PARD3B: variants seen among roughly 807,000 people sequenced by gnomAD.
PARD3B encodes the protein partitioning defective 3 homolog B.
A neutral mutation model predicts 130.2 loss-of-function variants in PARD3B; 103 were observed. The ratio of observed to expected loss-of-function variants is 0.79; its 90% CI spans 0.67 to 0.93. The LOEUF (loss-of-function observed/expected upper bound fraction) is 0.93. Ranked by LOEUF, PARD3B falls within the 40% of genes least tolerant of loss-of-function variation. The probability of loss-of-function intolerance (pLI) is 0.00; values close to 1 mark genes in which losing one functional copy is unlikely to be tolerated. For missense variants in PARD3B, 1,609 were observed against 1,499.2 expected (o/e 1.07, Z -1.21); for synonymous variants, 583 against 553.2 (o/e 1.05, Z -0.76).
chr2:204,910,659 G>A (rs2047199497), intron 2 of PARD3B, among the ~76,000 whole-genome samples: 2 of 152,044 alleles, frequency 1.3e-5, no homozygotes, highest in Non-Finnish European at 2.9e-5. Flanking sequence ...TTTGTTTTGA[G>A]GATGGAGTCT....
intron 4 of PARD3B, among the ~76,000 whole-genome samples, chr2:205,073,467 A>G (rs927120254): frequency 6.6e-6 from 1 of 152,134 alleles, no homozygotes; most frequent in African/African-American, 2.4e-5. Context: ...ATCTCATGCT[A>G]TTTTTTCGGG....
At chr2:205,049,882 G>A (rs1699069859) in intron 4 of PARD3B, among the ~76,000 whole-genome samples, 1 of 152,144 alleles carries the variant, frequency 6.6e-6, no homozygotes, top group African/African-American at 2.4e-5. Flanking sequence ...AGTGTCCTCT[G>A]TGGATGATGG....
At chr2:204,913,408 T>C (rs1042095110) in intron 2 of PARD3B, among the ~76,000 whole-genome samples, 4 of 152,172 alleles carry the variant, frequency 2.6e-5, no homozygotes, top group Admixed American at 2.6e-4. Flanking sequence ...TTGAGACGAT[T>C]GTGAGATAAT....
chr2:205,186,462 A>G (rs1183525352), intron 14 of PARD3B, among the ~76,000 whole-genome samples: 1 of 152,174 alleles, frequency 6.6e-6, no homozygotes. Flanking sequence ...TGTTCTTCTG[A>G]TGAGTTTTAA....
intron 16 of PARD3B, among the ~76,000 whole-genome samples, chr2:205,257,308 A>T (rs2040130847): frequency 6.6e-6 from 1 of 150,904 alleles, no homozygotes; most frequent in Non-Finnish European, 1.5e-5. Context: ...TTTGAATGAA[A>T]ACACTTTTAT....
At position 204,778,690 on chromosome 2, in the gene PARD3B, T is replaced by C. The variant is rs914585248; in HGVS notation, c.222+92408T>C. On this transcript the variant is annotated intron_variant, in intron 2 of 22. Coordinates refer to ENST00000406610, the MANE Select transcript of PARD3B (RefSeq NM_001302769.2). ...TGCCAAGTCCTGTTGATGGTCGTTA[T>C]AAAATATATAGTGAATCCTCCTTAC... Among the ~76,000 whole-genome samples, 5 of 152,116 alleles carry C rather than the reference T, an allele frequency of 3.3e-5. No homozygotes were observed. In the South Asian group the frequency reaches 8.3e-4, roughly 25 times the overall value.
chr2:205,131,117 T>C (rs1188557378), intron 10 of PARD3B, among the ~76,000 whole-genome samples: 1 of 152,226 alleles, frequency 6.6e-6, no homozygotes, highest in Non-Finnish European at 1.5e-5. Context: ...TATTATTTCA[T>C]TCCCTTTGGC....
At chr2:205,602,229 C>T (rs1341036080) in intron 22 of PARD3B, among the ~76,000 whole-genome samples, 3 of 152,114 alleles carry the variant, frequency 2.0e-5, no homozygotes, top group Non-Finnish European at 4.4e-5. Flanking sequence ...ATAAAGCTGA[C>T]TTGATTGTGG....
intron 22 of PARD3B, among the ~76,000 whole-genome samples, chr2:205,595,415 ATCAC>A (rs1342489111): frequency 1.3e-5 from 2 of 152,196 alleles, no homozygotes. Context: ...TTAGTTTTAA[ATCAC>A]TTCAGCATTT....
chr2:204,682,727 A>G (rs2125236636), intron 1 of PARD3B, among the ~76,000 whole-genome samples: 1 of 152,182 alleles, frequency 6.6e-6, no homozygotes, highest in Non-Finnish European at 1.5e-5. Flanking sequence ...TTCTTCTTGG[A>G]CTACAGGCAT....
intron 1 of PARD3B, among the ~76,000 whole-genome samples, chr2:204,662,371 T>C (rs2035847551): frequency 6.6e-6 from 1 of 152,206 alleles, no homozygotes; most frequent in Non-Finnish European, 1.5e-5. Context: ...ACAGATACAG[T>C]GAGTTTTCAT....
At position 205,338,179 on chromosome 2, in the gene PARD3B, G is replaced by A. The variant is rs76652912; in HGVS notation, c.2630+36478G>A. On this transcript the variant is annotated intron_variant, in intron 18 of 22. Coordinates refer to ENST00000406610, the MANE Select transcript of PARD3B (RefSeq NM_001302769.2). ...AAAAAAAAAAAAAAAAAAAAAAAAAGGCTTCATGAGGTGTTTTTGTCATCT... is the reference window on the plus strand; with the variant it reads ...AAAAAAAAAAAAAAAAAAAAAAAAAAGCTTCATGAGGTGTTTTTGTCATCT... Among the ~76,000 whole-genome samples, 26 of 113,148 alleles carry A rather than the reference G, an allele frequency of 2.3e-4. 1 individual carries two copies. The highest frequency in any genetic ancestry group is 8.5e-4 in the African/African-American group (24 of 28,196). 74.2% of individuals were successfully genotyped at this position (113,148 alleles called of 152,430 possible).
chr2:205,459,800 T>A (rs1402942641), intron 20 of PARD3B, among the ~76,000 whole-genome samples: 1 of 152,214 alleles, frequency 6.6e-6, no homozygotes, highest in Non-Finnish European at 1.5e-5. Flanking sequence ...CTCTCGTGGC[T>A]CATGTCTCAG....
At chr2:204,700,815 G>C (rs1299618667) in intron 2 of PARD3B, among the ~76,000 whole-genome samples, 1 of 152,028 alleles carries the variant, frequency 6.6e-6, no homozygotes, top group Non-Finnish European at 1.5e-5. Flanking sequence ...CAGAATTTTT[G>C]AATAAGAGGC....
intron 2 of PARD3B, among the ~76,000 whole-genome samples, chr2:204,808,722 C>T (rs1384952204): frequency 2.6e-5 from 4 of 152,078 alleles, no homozygotes; most frequent in African/African-American, 9.7e-5. Flanking sequence ...TTTTCTGTAT[C>T]CAGTCTGTGA....
rs921702380 is a variant in PARD3B, at chr2:204,678,249, C to G, written c.121-7932C>G. Among the ~76,000 whole-genome samples the G allele has an allele frequency of 6.6e-6, 1 of 152,054 alleles. No individual in the cohort carries two copies. The highest frequency in any genetic ancestry group is 1.5e-5 in the Non-Finnish European group (1 of 68,002). On this transcript the variant is annotated intron_variant, in intron 1 of 22. Transcript: ENST00000406610. The surrounding 1 kb of genome is among the most constrained non-coding windows in gnomAD (Gnocchi z 4.2). ...TGCTGGCAGGACCAAACCCAGTAAC[C>G]GGGCCCGTGGTAGCAATCAGTGGTT...
chr2:205,105,778 GA>G lies in PARD3B; in HGVS notation c.593+1274del, dbSNP rs902354823. ...TAGGGAGACCCTCTCTCTCTCTGAA[GA>G]AAAAAAAAAGGCGGGGGGATATGGG... On this transcript the variant is annotated intron_variant, in intron 5 of 22. Transcript: ENST00000406610. The surrounding 1 kb of genome is among the most constrained non-coding windows in gnomAD (Gnocchi z 4.0). Among the ~76,000 whole-genome samples, 10 of 139,376 alleles carry G rather than the reference GA, an allele frequency of 7.2e-5. No homozygotes were observed. Among genetic ancestry groups the G allele is most frequent in the East Asian group, 2.3e-4 (1 of 4,346 alleles). 91.4% of individuals were successfully genotyped at this position (139,376 alleles called of 152,430 possible). A position where few individuals can be genotyped will look rare whatever the true frequency, so the allele number is the denominator to read the frequency against.
intron 1 of PARD3B, among the ~76,000 whole-genome samples, chr2:204,587,323 TAAAACTG>T (rs2125089237): frequency 6.6e-6 from 1 of 152,326 alleles, no homozygotes; most frequent in African/African-American, 2.4e-5. Flanking sequence ...CTGCATTATT[TAAAACTG>T]TGAGGGAATC....
intron 2 of PARD3B, among the ~76,000 whole-genome samples, chr2:204,880,684 A>T (rs1575200522): frequency 7.0e-6 from 1 of 142,458 alleles, no homozygotes; most frequent in Non-Finnish European, 1.5e-5. Flanking sequence ...AAAAAAAAAT[A>T]CAGCAGAGTA....
Sources: allele counts gnomAD v4.1 joint callset (sites outside exome capture counted in the v4.1 genomes callset), GRCh38; gene constraint gnomAD v4.1.1; non-coding constraint Gnocchi (gnomAD v3.1); transcripts MANE v1.5; gene names NCBI Gene and HGNC (gene_info 2026-07-23, HGNC 2026-07-21).